Variants in ANO8 observed in about 807,000 individuals in gnomAD.
ANO8 encodes anoctamin 8, also known as anoctamin-8.
Under a neutral mutation model 120.4 loss-of-function variants are expected in ANO8, and 67 were observed. The observed-to-expected ratio is 0.56, with a 90% CI of 0.46 to 0.68. The LOEUF is 0.68. Among genes scored for constraint, ANO8 ranks in the 30% least tolerant of loss-of-function variants. The pLI is 0.00. For missense variants in ANO8, 1,526 were observed against 1,737.6 expected, an observed-to-expected ratio of 0.88 and a Z score of 2.16; for synonymous variants, 727 against 759.2, an observed-to-expected ratio of 0.96 and a Z score of 0.70.
At chr19:17,330,650 TC>T (rs1474674006) in intron 8 of ANO8, 146 bp from the exon 9 acceptor site, 18 of 1,381,414 alleles carry the variant, frequency 1.3e-5, no homozygotes, top group Non-Finnish European at 1.3e-5. Context: ...CTGTTCCCAG[TC>T]CCTCAAATCC....
rs777647434 is a variant in ANO8 at position 17,334,653 on chromosome 19, G to A, written c.18C>T (p.Ser6=). MAEAA[S]GAGGTSLEGE... ...CCTCCAGGGACGTGCCCCCGGCGCC[G>A]GAGGCGGCCTCGGCCATGGCGAGGA... The change falls in exon 1 of 18, where the codon TCC becomes TCT. Residue 6 remains serine (S), a synonymous_variant. Coordinates refer to ENST00000159087, the MANE Select transcript of ANO8 (RefSeq NM_020959.3). The A allele has an allele frequency of 3.4e-6, 5 of 1,477,552 alleles. No individual in the cohort carries two copies. In the African/African-American group the frequency reaches 4.4e-5, roughly 13 times the overall value. 91.5% of individuals were successfully genotyped at this position (1,477,552 alleles called of 1,614,324 possible).
Position 17,327,339 on chromosome 19 carries a change from C to A in ANO8, c.2557G>T (p.Ala853Ser). The A allele has an allele frequency of 2.6e-6, 4 of 1,550,240 alleles. No individual in the cohort carries two copies. The highest frequency in any genetic ancestry group is 3.5e-6 in the Non-Finnish European group (4 of 1,146,426). ...IVSVVVLEHFALLLKYLIHVA... is the reference protein window; with the variant it reads ...IVSVVVLEHFSLLLKYLIHVA... Reference sequence around the variant, plus strand: ...TGGATGAGGTACTTGAGGAGCAGAGCGAAGTGCTGCAGGGGTGGCAGAGAG... The same window carrying A: ...TGGATGAGGTACTTGAGGAGCAGAGAGAAGTGCTGCAGGGGTGGCAGAGAG... The change falls in exon 16 of 18, where the codon GCT becomes TCT. Residue 853 changes from alanine to serine, a missense_variant. Ala to Ser is a moderately conservative substitution (Grantham distance 99, BLOSUM62 1). Around this residue, in one of 8 missense-constraint regions of ANO8, gnomAD observed 489 missense variants for 548.6 expected, o/e 0.89. Coordinates refer to ENST00000159087, the MANE Select transcript of ANO8 (RefSeq NM_020959.3).
At chr19:17,330,320 A>G in intron 9 of ANO8, 32 bp downstream of exon 9, 1 of 1,611,522 alleles carries the variant, frequency 6.2e-7, no homozygotes, top group Admixed American at 1.7e-5. Flanking sequence ...CTAGGTACCA[A>G]GGACAGGGCG....
Position 17,328,763 on chromosome 19 carries a change from C to T in ANO8, c.1625G>A (p.Gly542Asp), listed in dbSNP as rs1309175450. ...EGGGGGSGGG[G>D]RRCLSGGCGA... is the part of the protein sequence containing the mutation. ...GCAGCCCCCGCTGAGGCACCTGCGG[C>T]CCCCGCCCCCGCTGCCGCCGCCCCC... is the stretch of plus-strand genomic sequence containing the variant. The change falls in exon 13 of 18, where the codon GGC becomes GAC. Residue 542 changes from glycine (G) to aspartate (D), a missense_variant. Around this residue, in one of 8 missense-constraint regions of ANO8, gnomAD observed 467 missense variants for 425.8 expected, o/e 1.10. Coordinates refer to ENST00000159087, the MANE Select transcript of ANO8 (RefSeq NM_020959.3). 7.6e-7 allele frequency: 1 copy of T among 1,321,926 alleles called. No homozygotes were observed. The highest frequency in any genetic ancestry group is 9.6e-7 in the Non-Finnish European group (1 of 1,042,768). 81.9% of individuals were successfully genotyped at this position (1,321,926 alleles called of 1,614,324 possible). A position where few individuals can be genotyped will look rare whatever the true frequency, so the allele number is the denominator to read the frequency against.
rs749895960 is a variant in ANO8 at position 17,330,982 on chromosome 19, C to T, written c.839G>A (p.Arg280Gln). ...GGCAAAGACCACGCAGGAAACATCC[C>T]GGCTTGTCTGTGAGTGGCAGAGAAG... ...YTFTEADQTS[R>Q]DVSCVVFALF... The change falls in exon 8 of 18, where the codon CGG becomes CAG. Residue 280 changes from arginine to glutamine, a missense_variant. This residue lies in a region of ANO8 where 322 missense variants were observed against 431.8 expected (regional missense o/e 0.75). Coordinates refer to ENST00000159087, the MANE Select transcript of ANO8 (RefSeq NM_020959.3). 8.7e-6 allele frequency: 14 copies of T among 1,614,138 alleles called. No homozygotes were observed. Among genetic ancestry groups the T allele is most frequent in the South Asian group, 6.6e-5 (6 of 91,076 alleles).
intron 16 of ANO8, among the ~76,000 whole-genome samples, chr19:17,325,661 C>T (rs1339824402): frequency 6.6e-6 from 1 of 152,256 alleles, no homozygotes; most frequent in Non-Finnish European, 1.5e-5. Flanking sequence ...GGCGCAGTGG[C>T]TTGCGCCTGT....
chr19:17,327,903 C>T, intron 13 of ANO8, 23 bp from the exon 14 acceptor site: 4 of 1,605,360 alleles, frequency 2.5e-6, no homozygotes, highest in Non-Finnish European at 3.4e-6. Context: ...GGGCCTCAGA[C>T]CTGGAAGCCT....
Position 17,326,615 on chromosome 19 carries a change from C to T in ANO8, c.2661+620G>A, listed in dbSNP as rs535420788. 5.6e-4 allele frequency among the ~76,000 whole-genome samples: 86 copies of T among 152,296 alleles called. 1 individual carries two copies. The highest frequency in any genetic ancestry group is 9.4e-4 in the Non-Finnish European group (64 of 68,018). On this transcript the variant is annotated intron_variant, in intron 16 of 17. Coordinates refer to ENST00000159087, the MANE Select transcript of ANO8 (RefSeq NM_020959.3). ...TAAAATAAAAATTCAGTTTCTCGGT[C>T]GCAGCAGCTGCACTTCAACGTGCTC...
Position 17,331,090 on chromosome 19 carries a change from G to C in ANO8, c.829C>G (p.Gln277Glu), listed in dbSNP as rs1453964790. The C allele has an allele frequency of 6.8e-6, 11 of 1,614,078 alleles. No individual in the cohort carries two copies. Among genetic ancestry groups the C allele is most frequent in the Non-Finnish European group, 8.5e-6 (10 of 1,180,038 alleles). Residue 277 changes from glutamine to glutamate, a missense_variant and splice_region_variant, in exon 7 of 18, where the codon CAG becomes GAG. Around this residue, in one of 8 missense-constraint regions of ANO8, gnomAD observed 322 missense variants for 431.8 expected, o/e 0.75. Coordinates refer to ENST00000159087, the MANE Select transcript of ANO8 (RefSeq NM_020959.3). ...SVLYTFTEAD[Q>E]TSRDVSCVVF... ...CTTGCAGGGTCCCTGCCCAGTACCT[G>C]ATCAGCCTCTGTGAATGTGTACAGG... is the stretch of plus-strand genomic sequence containing the variant.
chr19:17,328,698 G>C lies in ANO8; in HGVS notation c.1690C>G (p.Arg564Gly), dbSNP rs1322290340. 1.9e-6 allele frequency: 2 copies of C among 1,071,328 alleles called. No homozygotes were observed. Among genetic ancestry groups the C allele is most frequent in the Non-Finnish European group, 2.5e-6 (2 of 806,550 alleles). The allele number at this position is 1,071,328 out of a possible 1,614,324, so 66.4% of individuals were successfully genotyped here. Residue 564 changes from arginine to glycine, a missense_variant, in exon 13 of 18, where the codon CGG becomes GGG. Physicochemically the swap from Arg to Gly is moderately radical, Grantham distance 125. This residue lies in a region of ANO8 where 467 missense variants were observed against 425.8 expected (regional missense o/e 1.10). Transcript: ENST00000159087. ...TCCCCGCCTTCCCCCGCCCGCCGCC[G>C]CTCCACCAGCGCCGCCTCCTCCTCC... Reference protein sequence around the residue: ...EEEEEAALVERRRAGEGGEEG... With the variant: ...EEEEEAALVEGRRAGEGGEEG...
At chr19:17,327,416 C>G (rs1445347154) in intron 15 of ANO8, 22 bp downstream of exon 15, 17 of 1,586,052 alleles carry the variant, frequency 1.1e-5, no homozygotes, top group South Asian at 2.3e-5. Context: ...CCAGCTGCCC[C>G]CGCCCCTGTC....
Position 17,327,561 on chromosome 19 carries a change from C to T in ANO8, c.2427G>A (p.Met809Ile). Residue 809 changes from methionine (M) to isoleucine (I), a missense_variant, in exon 15 of 18, where the codon ATG (methionine) becomes ATA (isoleucine). Transcript: ENST00000159087. ...VESIGQWQKV[M>I]EAMGVLAIVV... ...CAATCGCTAGGACACCCATGGCCTC[C>T]ATCACCTTCTGCAGGGCGGCAGGAG... 2 of 1,613,520 alleles carry T rather than the reference C, an allele frequency of 1.2e-6. No individual in the cohort carries two copies. The highest frequency in any genetic ancestry group is 1.7e-6 in the Non-Finnish European group (2 of 1,179,890).
chr19:17,328,904 A>G lies in ANO8; in HGVS notation c.1484T>C (p.Leu495Pro). ...EVLQPHLYRRLGRGELGLRAV... is the reference protein window; with the variant it reads ...EVLQPHLYRRPGRGELGLRAV... ...CCGCAGGCCCAGCTCGCCGCGGCCC[A>G]GGCGCCGGTACAGGTGCGGCTGCAG... The change falls in exon 13 of 18, where the codon CTG (leucine) becomes CCG (proline). Residue 495 changes from leucine (L) to proline (P), a missense_variant. Transcript: ENST00000159087. 1 of 1,504,266 alleles carries G rather than the reference A, an allele frequency of 6.6e-7. No individual in the cohort carries two copies. The highest frequency in any genetic ancestry group is 8.9e-7 in the Non-Finnish European group (1 of 1,129,828). 93.2% of individuals were successfully genotyped at this position (1,504,266 alleles called of 1,614,324 possible).
chr19:17,329,399 C>CCTGCCG, intron 12 of ANO8: 1 of 379,052 alleles, frequency 2.6e-6, no homozygotes. Flanking sequence ...GGGCTCGCCA[C>CCTGCCG]CTGCCCGTAC....
At chr19:17,326,753 T>A (rs1368147738) in intron 16 of ANO8, among the ~76,000 whole-genome samples, 2 of 152,156 alleles carry the variant, frequency 1.3e-5, no homozygotes, top group Non-Finnish European at 2.9e-5. Context: ...ATTCTGTAGC[T>A]TTCTGAGGAA....
rs138673044 is a variant in ANO8, at chr19:17,333,708, C to A, written c.199G>T (p.Val67Leu). 5.5e-5 allele frequency: 88 copies of A among 1,603,232 alleles called. No homozygotes were observed. The highest frequency in any genetic ancestry group is 7.4e-5 in the Non-Finnish European group (87 of 1,176,224). Residue 67 changes from valine (V) to leucine (L), a missense_variant, in exon 2 of 18, where the codon GTG becomes TTG. Around this residue, in one of 8 missense-constraint regions of ANO8, gnomAD observed 322 missense variants for 431.8 expected, o/e 0.75. Transcript: ENST00000159087. The surrounding 1 kb of genome is among the most constrained non-coding windows in gnomAD (Gnocchi z 7.2). ...MKTVPTENCDVLMTFPDTTDD... is the reference protein window; with the variant it reads ...MKTVPTENCDLLMTFPDTTDD... ...TGGGTACCTGGGAAGGTCATCAGCA[C>A]GTCGCAGTTCTCTGTAGGCACCGTC...
At chr19:17,329,111 A>C in intron 12 of ANO8, 128 bp from the exon 13 acceptor site, 1 of 710,412 alleles carries the variant, frequency 1.4e-6, no homozygotes, top group Non-Finnish European at 2.1e-6. Context: ...CCGGTTCCTA[A>C]CTCCGCTGCT....
rs2145687508 is a variant in ANO8 at position 17,328,915 on chromosome 19, C to G, written c.1473G>C (p.Leu491=). 6.6e-7 allele frequency: 1 copy of G among 1,512,600 alleles called. No individual in the cohort carries two copies. The highest frequency in any genetic ancestry group is 1.2e-5 in the South Asian group (1 of 81,234). The allele number at this position is 1,512,600 out of a possible 1,614,324, so 93.7% of individuals were successfully genotyped here. The change falls in exon 13 of 18, where the codon CTG becomes CTC. Residue 491 remains leucine, a synonymous_variant. Transcript: ENST00000159087. The part of the protein sequence containing the change: ...QNVREVLQPH[L]YRRLGRGELG... ...GCTCGCCGCGGCCCAGGCGCCGGTACAGGTGCGGCTGCAGGACCTCGCGCA... is the reference window on the plus strand; with the variant it reads ...GCTCGCCGCGGCCCAGGCGCCGGTAGAGGTGCGGCTGCAGGACCTCGCGCA...
rs1568360068 is a variant in ANO8 at position 17,328,585 on chromosome 19, C to T, written c.1803G>A (p.Glu601=). Residue 601 remains glutamate, a synonymous_variant, in exon 13 of 18, where the codon GAG becomes GAA. Transcript: ENST00000159087. ...EDEEEEEDEE[E]GEEGGLLDCG... ...AGTCCAGGAGGCCCCCTTCCTCGCC[C>T]TCCTCCTCGTCCTCCTCTTCCTCCT... 5 of 1,546,712 alleles carry T rather than the reference C, an allele frequency of 3.2e-6. No individual in the cohort carries two copies. The highest frequency in any genetic ancestry group is 4.4e-6 in the Non-Finnish European group (5 of 1,146,012).
Sources: allele counts gnomAD v4.1 joint callset (sites outside exome capture counted in the v4.1 genomes callset), GRCh38; gene constraint gnomAD v4.1.1; regional missense constraint gnomAD v4.1.1; non-coding constraint Gnocchi (gnomAD v3.1); transcripts MANE v1.5; gene names NCBI Gene and HGNC (gene_info 2026-07-23, HGNC 2026-07-21).